ACTR8: variants seen among roughly 807,000 people sequenced by gnomAD.
The protein encoded by ACTR8 is actin related protein 8, also known as actin-related protein 8.
ACTR8 carries 70 observed loss-of-function variants against 84.3 expected under a neutral mutation model. That is an observed-to-expected ratio of 0.83 (90% CI 0.68 to 1.01). ACTR8 has a LOEUF of 1.01. Ranked by LOEUF, ACTR8 falls within the 50% of genes least tolerant of loss-of-function variation. ACTR8 has a pLI of 0.00. For missense variants in ACTR8, 672 were observed against 775.4 expected (o/e 0.87, Z 1.58); for synonymous variants, 268 against 275.2 (o/e 0.97, Z 0.26).
chr3:53,879,810 G>C, intron 2 of ACTR8, 129 bp downstream of exon 2: 1 of 954,710 alleles, frequency 1.0e-6, no homozygotes, highest in Non-Finnish European at 1.5e-6. Flanking sequence ...TGAAAAATTA[G>C]TGACATTATT....
At chr3:53,863,507 A>C (rs1699645102), downstream of ACTR8, among the ~76,000 whole-genome samples, 1 of 152,214 alleles carries the variant, frequency 6.6e-6, no homozygotes, top group Non-Finnish European at 1.5e-5. Flanking sequence ...TAAGCTAAGA[A>C]AGCCACAGGG....
chr3:53,873,105 T>C lies in ACTR8; in HGVS notation c.1088A>G (p.His363Arg). ...ATCAGGATGTCGAATCTGAAACTCA[T>C]GGTCCTGAAGCCCAGAGATGTCCTG... ...LDQDISGLQD[H>R]EFQIRHPDSP... The change falls in exon 9 of 13, where the codon CAT becomes CGT. Residue 363 changes from histidine to arginine, a missense_variant. Coordinates refer to ENST00000335754, the MANE Select transcript of ACTR8 (RefSeq NM_022899.5). The C allele has an allele frequency of 1.2e-6, 2 of 1,611,254 alleles. No homozygotes were observed. The highest frequency in any genetic ancestry group is 2.2e-5 in the East Asian group (1 of 44,866).
intron 1 of ACTR8, chr3:53,881,681 G>A (rs1236383581): frequency 1.4e-5 from 7 of 499,740 alleles, no homozygotes; most frequent in Non-Finnish European, 2.5e-5. Context: ...TCGTTTTATG[G>A]TCGGGGAAGC....
At chr3:53,864,908 AAAAG>A, downstream of ACTR8, 1 of 1,614,238 alleles carries the variant, frequency 6.2e-7, no homozygotes, top group Non-Finnish European at 8.5e-7. Flanking sequence ...AAGTGGCAGA[AAAAG>A]AAAATAGCAG....
At chr3:53,861,820 G>A in the ACTR8 span, among the ~76,000 whole-genome samples, 2 of 152,282 alleles carry the variant, frequency 1.3e-5, no homozygotes, top group East Asian at 1.9e-4. Context: ...GGTTTTCAGT[G>A]CAGATGAAAG....
In ACTR8 at chr3:53,879,926, G is replaced by A. The variant is rs376080473; in HGVS notation, c.294+13C>T. On this transcript the variant is annotated intron_variant, in intron 2 of 12. Transcript: ENST00000335754. The stretch of plus-strand genomic sequence containing the variant: ...CAACCTTAGGCTTTCTCTCCAGGTC[G>A]TTTTTGACTTACATTTAGTCCCTCC... 5.0e-6 allele frequency: 8 copies of A among 1,598,254 alleles called. No individual in the cohort carries two copies. The Admixed American group carries it at 1.4e-4, about 27-fold the overall frequency.
intron 2 of ACTR8, among the ~76,000 whole-genome samples, chr3:53,879,622 A>G (rs1700029017): frequency 6.6e-6 from 1 of 152,344 alleles, no homozygotes; most frequent in Non-Finnish European, 1.5e-5. Context: ...AGAGATATTT[A>G]CAGTTTAAAT....
chr3:53,865,412 C>T, downstream of ACTR8: 2 of 846,486 alleles, frequency 2.4e-6, no homozygotes, highest in Non-Finnish European at 3.5e-6. Flanking sequence ...TACAAACAGC[C>T]TTAGTAATTA....
At chr3:53,877,881 T>C (rs573877238) in intron 3 of ACTR8, 130 bp from the exon 4 acceptor site, 2 of 698,398 alleles carry the variant, frequency 2.9e-6, no homozygotes, top group East Asian at 2.8e-5. Flanking sequence ...TGGCAAAATA[T>C]TGACTGGCTG....
In ACTR8 at chr3:53,869,959, A is replaced by G. The variant is rs985225206; in HGVS notation, c.1731+23T>C. On this transcript the variant is annotated intron_variant, in intron 12 of 12. Coordinates refer to ENST00000335754, the MANE Select transcript of ACTR8 (RefSeq NM_022899.5). ...GCTGGTTTCATTTGCATACAGTCCAACTTGCACAATGAAACAACCTACCTT... is the reference window on the plus strand; with the variant it reads ...GCTGGTTTCATTTGCATACAGTCCAGCTTGCACAATGAAACAACCTACCTT... 8 of 1,612,794 alleles carry G rather than the reference A, an allele frequency of 5.0e-6. No homozygotes were observed. In the East Asian group the frequency reaches 1.1e-4, roughly 22 times the overall value.
At chr3:53,872,119 T>C (rs1699891122) in intron 10 of ACTR8, among the ~76,000 whole-genome samples, 1 of 152,202 alleles carries the variant, frequency 6.6e-6, no homozygotes, top group African/African-American at 2.4e-5. Flanking sequence ...CAGAAGTAGA[T>C]AATGTAAGTA....
intron 7 of ACTR8, 63 bp from the exon 8 acceptor site, chr3:53,874,427 G>C (rs1699936660): frequency 2.0e-6 from 3 of 1,537,056 alleles, no homozygotes; most frequent in Admixed American, 1.9e-5. Context: ...AAAGGTGTTT[G>C]AAGAAATCCA....
chr3:53,875,804 C>T, intron 7 of ACTR8, 144 bp downstream of exon 7: 1 of 1,241,472 alleles, frequency 8.1e-7, no homozygotes, highest in East Asian at 2.5e-5. Flanking sequence ...AGAATATGCA[C>T]TTCCATAATC....
downstream of ACTR8, among the ~76,000 whole-genome samples, chr3:53,866,903 C>T (rs1044132870): frequency 2.0e-5 from 3 of 152,198 alleles, no homozygotes; most frequent in Non-Finnish European, 4.4e-5. Flanking sequence ...GGATCGATTT[C>T]AGATGGATGA....
chr3:53,870,042 G>C lies in ACTR8; in HGVS notation c.1671C>G (p.Asn557Lys). Residue 557 changes from asparagine to lysine, a missense_variant, in exon 12 of 13, where the codon AAC becomes AAG. Transcript: ENST00000335754. This position sits in a 1 kb window ranked among gnomAD's most constrained non-coding sequence, Gnocchi z 4.1. ...TTCGCCTGAAGGATGGTGGCATTTT[G>C]TTGAGAATTCTGTGCTGCAGAAATT... ...AQEFLQHRIL[N>K]KMPPSFRRII... The C allele has an allele frequency of 1.2e-6, 2 of 1,614,170 alleles. No individual in the cohort carries two copies. Among genetic ancestry groups the C allele is most frequent in the Non-Finnish European group, 1.7e-6 (2 of 1,180,024 alleles).
intron 12 of ACTR8, among the ~76,000 whole-genome samples, chr3:53,869,237 C>T (rs545967430): frequency 8.0e-4 from 121 of 152,186 alleles, no homozygotes; most frequent in African/African-American, 2.7e-3. Context: ...GCCAAGATCG[C>T]GCCACTGCAC....
At chr3:53,873,977 A>G (rs1274955691) in intron 8 of ACTR8, among the ~76,000 whole-genome samples, 1 of 152,148 alleles carries the variant, frequency 6.6e-6, no homozygotes, top group East Asian at 1.9e-4. Flanking sequence ...GGTGCCCGCC[A>G]CCACGCCCGG....
chr3:53,870,117 G>A lies in ACTR8; in HGVS notation c.1596C>T (p.Tyr532=), dbSNP rs1162727456. 2.5e-6 allele frequency: 4 copies of A among 1,613,560 alleles called. No individual in the cohort carries two copies. Among genetic ancestry groups the A allele is most frequent in the Non-Finnish European group, 3.4e-6 (4 of 1,179,642 alleles). Residue 532 remains tyrosine, a synonymous_variant, in exon 12 of 13, where the codon TAC becomes TAT. Coordinates refer to ENST00000335754, the MANE Select transcript of ACTR8 (RefSeq NM_022899.5). This position sits in a 1 kb window ranked among gnomAD's most constrained non-coding sequence, Gnocchi z 4.1. ...CACCTCCCACCACTAGGATGGAGCT[G>A]TACATCTTCTTTTTGGTGTCGTCAG... ...CSSDDTKKKM[Y]SSILVVGGGL...
downstream of ACTR8, among the ~76,000 whole-genome samples, chr3:53,864,174 G>A (rs909144308): frequency 6.6e-5 from 10 of 152,160 alleles, no homozygotes; most frequent in African/African-American, 2.4e-4. Flanking sequence ...AAAAGAGAAG[G>A]CTTGGTTGAG....
Sources: gnomAD v4.1 joint callset for allele counts (sites outside exome capture counted in the v4.1 genomes callset) on GRCh38, gnomAD v4.1.1 for gene constraint, Gnocchi (gnomAD v3.1) non-coding constraint, MANE v1.5 for transcripts, NCBI Gene and HGNC (gene_info 2026-07-23, HGNC 2026-07-21) for gene names.